Variants in JAZF1 observed in about 807,000 individuals in gnomAD.
The protein encoded by JAZF1 is JAZF zinc finger 1.
In JAZF1, 8 loss-of-function variants were observed where a neutral mutation model predicts 26.4. That is an observed-to-expected ratio of 0.30 (90% CI 0.18 to 0.55). The LOEUF (loss-of-function observed/expected upper bound fraction) is 0.55, where lower values mean the gene tolerates loss of function less well. Among genes scored for constraint, JAZF1 ranks in the 20% least tolerant of loss-of-function variants. The pLI is 0.94. For missense variants in JAZF1, 199 were observed against 322.0 expected, an observed-to-expected ratio of 0.62 and a Z score of 2.92; for synonymous variants, 126 against 122.3, an observed-to-expected ratio of 1.03 and a Z score of -0.20.
intron 1 of JAZF1, among the ~76,000 whole-genome samples, chr7:28,121,249 GC>G (rs1268417926): frequency 6.6e-6 from 1 of 151,742 alleles, no homozygotes; most frequent in Non-Finnish European, 1.5e-5. Context: ...CCATATCAAT[GC>G]TTTACCCTCC....
chr7:28,158,281 C>T (rs2127950842), intron 1 of JAZF1, among the ~76,000 whole-genome samples: 1 of 151,796 alleles, frequency 6.6e-6, no homozygotes. Context: ...AGGGGACTGA[C>T]AGGAGATAAA....
At chr7:28,049,213 G>A (rs987490270) in intron 1 of JAZF1, among the ~76,000 whole-genome samples, 1 of 151,574 alleles carries the variant, frequency 6.6e-6, no homozygotes, top group Non-Finnish European at 1.5e-5. Flanking sequence ...CTCCAGAGTA[G>A]TTGGGATTAC....
At chr7:27,845,650 T>TGGC (rs2128332569) in intron 3 of JAZF1, among the ~76,000 whole-genome samples, 1 of 136,400 alleles carries the variant, frequency 7.3e-6, no homozygotes, top group African/African-American at 2.8e-5. Flanking sequence ...TGAGCCAAGA[T>TGGC]GGCGCCATTG....
At chr7:27,921,607 T>C (rs1436337189) in intron 2 of JAZF1, among the ~76,000 whole-genome samples, 2 of 152,196 alleles carry the variant, frequency 1.3e-5, no homozygotes, top group African/African-American at 2.4e-5. Context: ...GTTGCCTTGA[T>C]AGCAAAATTT....
chr7:27,864,491 A>T (rs1008997002), intron 3 of JAZF1, among the ~76,000 whole-genome samples: 20 of 151,958 alleles, frequency 1.3e-4, no homozygotes, highest in Non-Finnish European at 2.8e-4. Context: ...TGGAGTCAAA[A>T]CCCATGGGTT....
chr7:28,053,398 C>G (rs1222462560), intron 1 of JAZF1, among the ~76,000 whole-genome samples: 3 of 152,128 alleles, frequency 2.0e-5, no homozygotes, highest in African/African-American at 7.2e-5. Flanking sequence ...AACATGTTTT[C>G]TATAATGTTT....
At chr7:28,180,431 C>T in intron 1 of JAZF1, 32 bp downstream of exon 1, 1 of 1,572,234 alleles carries the variant, frequency 6.4e-7, no homozygotes, top group South Asian at 1.1e-5. Context: ...TTCCGCGCGC[C>T]TGGCACCCCC....
Position 27,831,661 on chromosome 7 carries a change from G to GA in JAZF1, c.*1138dup, listed in dbSNP as rs1782703179. On this transcript the variant is annotated 3_prime_UTR_variant, in exon 5 of 5. Coordinates refer to ENST00000283928, the MANE Select transcript of JAZF1 (RefSeq NM_175061.4). Reference sequence around the variant, plus strand: ...AAAGCTAAACAGACATTTCCAATGAGAATGCAGACCTCTCTACAATGTGAT... The same window carrying GA: ...AAAGCTAAACAGACATTTCCAATGAGAAATGCAGACCTCTCTACAATGTGAT... 2 of 225,932 alleles carry GA rather than the reference G, an allele frequency of 8.9e-6. No individual in the cohort carries two copies. The highest frequency in any genetic ancestry group is 1.3e-4 in the East Asian group (2 of 15,590). The allele number at this position is 225,932 out of a possible 1,614,324, so 14.0% of individuals were successfully genotyped here. A position where few individuals can be genotyped will look rare whatever the true frequency, so the allele number is the denominator to read the frequency against.
chr7:28,139,539 A>C (rs577942889), intron 1 of JAZF1, among the ~76,000 whole-genome samples: 16 of 152,330 alleles, frequency 1.1e-4, no homozygotes, highest in African/African-American at 3.6e-4. Flanking sequence ...TGCTGACAAG[A>C]AACTACCAGA....
chr7:28,035,356 C>G (rs914912768), intron 1 of JAZF1, among the ~76,000 whole-genome samples: 2 of 66,054 alleles, frequency 3.0e-5, no homozygotes. Flanking sequence ...AAGAAAGAAA[C>G]AGGCCCAATT....
At chr7:27,907,423 G>C (rs1441072274) in intron 2 of JAZF1, among the ~76,000 whole-genome samples, 1 of 152,176 alleles carries the variant, frequency 6.6e-6, no homozygotes, top group Non-Finnish European at 1.5e-5. Context: ...CCATCTAGGA[G>C]AATTCTTACA....
At chr7:27,958,247 G>A (rs1425829053) in intron 2 of JAZF1, among the ~76,000 whole-genome samples, 1 of 152,148 alleles carries the variant, frequency 6.6e-6, no homozygotes, top group Non-Finnish European at 1.5e-5. Context: ...TGCTCAGGGT[G>A]GCTCTACAAG....
chr7:28,164,842 T>G (rs1241965565), intron 1 of JAZF1, among the ~76,000 whole-genome samples: 1 of 152,216 alleles, frequency 6.6e-6, no homozygotes, highest in African/African-American at 2.4e-5. Context: ...CTATGGGCTC[T>G]CAGTTTGAAA....
intron 2 of JAZF1, among the ~76,000 whole-genome samples, chr7:27,968,923 G>GA (rs1216215302): frequency 2.6e-5 from 4 of 151,470 alleles, no homozygotes; most frequent in Non-Finnish European, 4.4e-5. Flanking sequence ...TAATAAAAAT[G>GA]AAAAAAAATC....
chr7:28,122,353 C>T (rs1206365458), intron 1 of JAZF1, among the ~76,000 whole-genome samples: 1 of 152,192 alleles, frequency 6.6e-6, no homozygotes, highest in Admixed American at 6.5e-5. Flanking sequence ...ATGTCTGGAA[C>T]ATGCTCTGTA....
chr7:28,179,606 C>T (rs1380421733), intron 1 of JAZF1, among the ~76,000 whole-genome samples: 1 of 150,962 alleles, frequency 6.6e-6, no homozygotes, highest in Non-Finnish European at 1.5e-5. Context: ...GCCTCCAGGG[C>T]GCGTCGACCC....
At chr7:28,114,540 T>C (rs1343844936) in intron 1 of JAZF1, among the ~76,000 whole-genome samples, 1 of 151,468 alleles carries the variant, frequency 6.6e-6, no homozygotes, top group Non-Finnish European at 1.5e-5. Flanking sequence ...AGAAGCATCA[T>C]CAAGGCAAAC....
At position 28,174,772 on chromosome 7, in the gene JAZF1, C is replaced by T. The variant is rs1439710119; in HGVS notation, c.115+5691G>A. 1.6e-4 allele frequency among the ~76,000 whole-genome samples: 11 copies of T among 70,278 alleles called. 4 individuals carry two copies. The highest frequency in any genetic ancestry group is 4.6e-4 in the Non-Finnish European group (9 of 19,514). 46.1% of individuals were successfully genotyped at this position (70,278 alleles called of 152,430 possible). ...GTGAAAACAGAGTTTTGGAGACTGC[C>T]GTAAAGTTTCAGATTTCGGGTTCCC... On this transcript the variant is annotated intron_variant, in intron 1 of 4. Transcript: ENST00000283928.
At chr7:28,031,977 G>A (rs1783201478) in intron 1 of JAZF1, among the ~76,000 whole-genome samples, 1 of 152,188 alleles carries the variant, frequency 6.6e-6, no homozygotes, top group Non-Finnish European at 1.5e-5. Context: ...ACCTGCAATG[G>A]GAGACATGAG....
Sources: allele counts gnomAD v4.1 joint callset (sites outside exome capture counted in the v4.1 genomes callset), GRCh38; gene constraint gnomAD v4.1.1; transcripts MANE v1.5; gene names NCBI Gene and HGNC (gene_info 2026-07-23, HGNC 2026-07-21).